Variants in RBM23 observed in about 807,000 individuals in gnomAD.
The protein encoded by RBM23 is RNA binding motif protein 23.
Under a neutral mutation model 56.2 loss-of-function variants are expected in RBM23, and 53 were observed. The ratio of observed to expected loss-of-function variants is 0.94; its 90% confidence interval spans 0.76 to 1.19. The LOEUF (loss-of-function observed/expected upper bound fraction) is 1.19, where lower values mean the gene tolerates loss of function less well. RBM23 is among the 50% of genes most tolerant of loss of function. The pLI, the probability that RBM23 is intolerant of heterozygous loss-of-function variation, is 0.00. For missense variants in RBM23, 642 were observed against 590.3 expected (o/e 1.09, Z -0.91); for synonymous variants, 197 against 198.5 (o/e 0.99, Z 0.06).
At chr14:22,904,075 G>A (rs2041092766) in intron 10 of RBM23, 186 bp downstream of exon 10, 8 of 1,524,140 alleles carry the variant, frequency 5.2e-6, no homozygotes, top group Non-Finnish European at 7.0e-6. Context: ...CAGAGTGTAG[G>A]AGCAAAGCCA....
intron 9 of RBM23, 69 bp from the exon 10 acceptor site, chr14:22,904,395 C>A (rs753375489): frequency 3.9e-6 from 5 of 1,285,036 alleles, no homozygotes; most frequent in Middle Eastern, 2.8e-4. Context: ...CCTACCCAGA[C>A]TGCTTTTTTT....
intron 1 of RBM23, chr14:22,917,301 G>A (rs1275622661): frequency 6.6e-6 from 1 of 152,148 alleles, no homozygotes; most frequent in Non-Finnish European, 1.5e-5. Flanking sequence ...TTCAAGAACT[G>A]CTCATTGTTG....
intron 10 of RBM23, chr14:22,903,599 T>C (rs2040997605): frequency 1.0e-6 from 1 of 991,564 alleles, no homozygotes; most frequent in Non-Finnish European, 1.2e-6. Flanking sequence ...CCCTCTGCCC[T>C]GTGGGTCACT....
At chr14:22,909,289 T>C (rs1319470246) in intron 3 of RBM23, among the ~76,000 whole-genome samples, 194 bp downstream of exon 3, 5 of 146,934 alleles carry the variant, frequency 3.4e-5, no homozygotes, top group Non-Finnish European at 7.6e-5. Flanking sequence ...CTAGGACTAA[T>C]CCACAAATCT....
In RBM23 at chr14:22,919,018, G is replaced by C. The variant is rs1566620730; in HGVS notation, c.-30C>G. On this transcript the variant is annotated 5_prime_UTR_variant, in exon 1 of 14. Transcript: ENST00000359890. ...TCTCACCAGTTCCGGGTCCCCGCAGGGGGGTCCCGGTTCTCTCCGTTCCTT... is the reference window on the plus strand; with the variant it reads ...TCTCACCAGTTCCGGGTCCCCGCAGCGGGGTCCCGGTTCTCTCCGTTCCTT... 6.6e-6 allele frequency: 1 copy of C among 152,188 alleles called. No homozygotes were observed. Among genetic ancestry groups the C allele is most frequent in the Admixed American group, 6.6e-5 (1 of 15,260 alleles). 9.4% of individuals were successfully genotyped at this position (152,188 alleles called of 1,614,324 possible).
chr14:22,902,230 T>C lies in RBM23; in HGVS notation c.1083A>G (p.Gly361=). The change falls in exon 11 of 14, where the codon GGA becomes GGG. Residue 361 remains glycine, a synonymous_variant. Coordinates refer to ENST00000359890, the MANE Select transcript of RBM23 (RefSeq NM_001077351.2). ...FPDGDQELDL[G]SAGGRFQLMA... is the part of the protein sequence containing the mutation. Reference sequence around the variant, plus strand: ...TGAGCTGAAAACGTCCACCTGCTGATCCCAGATCCAGCTCCTGGTCCCCAT... The same window carrying C: ...TGAGCTGAAAACGTCCACCTGCTGACCCCAGATCCAGCTCCTGGTCCCCAT... 1 of 1,614,216 alleles carries C rather than the reference T, an allele frequency of 6.2e-7. No homozygotes were observed.
At chr14:22,904,110 C>G (rs1042728096) in intron 10 of RBM23, 151 bp downstream of exon 10, 1 of 1,542,692 alleles carries the variant, frequency 6.5e-7, no homozygotes, top group Non-Finnish European at 8.7e-7. Flanking sequence ...GCACTCATCT[C>G]AAGGGGTAGA....
chr14:22,911,604 CTT>C (rs2042531904), intron 1 of RBM23: 2 of 414,360 alleles, frequency 4.8e-6, no homozygotes, highest in Admixed American at 7.3e-5. Context: ...ACTAGTTCGA[CTT>C]TGTGGCTTGG....
At position 22,904,297 on chromosome 14, in the gene RBM23, T is replaced by C; in HGVS notation, c.894A>G (p.Ser298=). 6.2e-7 allele frequency: 1 copy of C among 1,612,664 alleles called. No individual in the cohort carries two copies. Among genetic ancestry groups the C allele is most frequent in the South Asian group, 1.1e-5 (1 of 91,058 alleles). ...CATAACCTTTAGAGCGGCCTGTATC[T>C]GAGTCCTTCATCAGGACAATATTAT... is the stretch of plus-strand genomic sequence containing the variant. ...KIDNIVLMKD[S]DTGRSKGYGF... is the part of the protein sequence containing the mutation. Residue 298 remains serine, a synonymous_variant, in exon 10 of 14, where the codon TCA becomes TCG. Coordinates refer to ENST00000359890, the MANE Select transcript of RBM23 (RefSeq NM_001077351.2).
intron 4 of RBM23, among the ~76,000 whole-genome samples, chr14:22,908,062 C>T (rs928032558): frequency 8.6e-5 from 13 of 151,998 alleles, no homozygotes; most frequent in Non-Finnish European, 1.0e-4. Flanking sequence ...CATCTGTTGC[C>T]CAGGCAGGAG....
intron 4 of RBM23, 82 bp downstream of exon 4, chr14:22,908,251 C>T: frequency 6.8e-7 from 1 of 1,477,568 alleles, no homozygotes; most frequent in Non-Finnish European, 9.1e-7. Context: ...GAACTCCTGG[C>T]CTGAAGTGAT....
At chr14:22,905,281 AT>A in intron 7 of RBM23, 35 bp from the exon 8 acceptor site, 1 of 1,613,982 alleles carries the variant, frequency 6.2e-7, no homozygotes, top group East Asian at 2.2e-5. Context: ...TGAGTTAGGC[AT>A]AAAGGGAGAT....
Position 22,894,187 on chromosome 14 carries a change from T to A in RBM23, c.*7543A>T, listed in dbSNP as rs2040210434. 1 of 152,232 alleles carries A rather than the reference T, an allele frequency of 6.6e-6. No homozygotes were observed. The highest frequency in any genetic ancestry group is 1.5e-5 in the Non-Finnish European group (1 of 68,046). The allele number at this position is 152,232 out of a possible 1,614,324, so 9.4% of individuals were successfully genotyped here. On this transcript the variant is annotated 3_prime_UTR_variant, in exon 14 of 14. Transcript: ENST00000359890. ...CCTTTATTTAGGCATCAAAGCAGCT[T>A]GCTAAACTCTCAAAGCACAGCACCA...
chr14:22,901,760 G>A, intron 13 of RBM23, 27 bp from the exon 14 acceptor site: 1 of 1,613,966 alleles, frequency 6.2e-7, no homozygotes, highest in Non-Finnish European at 8.5e-7. Flanking sequence ...TAAATGGGAA[G>A]CCAAAGGAAA....
rs536163912 is a variant in RBM23, at chr14:22,915,398, C to T, written c.-11+3601G>A. On this transcript the variant is annotated intron_variant, in intron 1 of 13. Coordinates refer to ENST00000359890, the MANE Select transcript of RBM23 (RefSeq NM_001077351.2). ...TATTTTTAGTAGAGACCAGGTTTTC[C>T]GTGTTAGTCAGGCTGGTCTCGAACT... Among the ~76,000 whole-genome samples, 16 of 150,250 alleles carry T rather than the reference C, an allele frequency of 1.1e-4. No homozygotes were observed. The South Asian group carries it at 2.5e-3, about 24-fold the overall frequency.
chr14:22,915,477 G>C (rs1414142247), intron 1 of RBM23, among the ~76,000 whole-genome samples: 1 of 149,402 alleles, frequency 6.7e-6, no homozygotes, highest in Non-Finnish European at 1.5e-5. Context: ...GGGATTACAG[G>C]CATAAGCCCC....
Position 22,904,314 on chromosome 14 carries a change from CAAT to C in RBM23, c.874_876del (p.Ile292del), listed in dbSNP as rs779198905. On this transcript the variant is annotated inframe_deletion, in exon 10 of 14. Transcript: ENST00000359890. ...CCTGTATCTGAGTCCTTCATCAGGA[CAAT>C]ATTATCAATCTGTAGAAGAGTGAGA... The C allele has an allele frequency of 1.9e-6, 3 of 1,607,352 alleles. No homozygotes were observed. The highest frequency in any genetic ancestry group is 2.6e-6 in the Non-Finnish European group (3 of 1,174,334).
intron 5 of RBM23, chr14:22,905,898 CAT>C: frequency 1.7e-6 from 1 of 595,752 alleles, no homozygotes; most frequent in Non-Finnish European, 3.0e-6. Context: ...TACAGACACA[CAT>C]GACCATATCT....
Position 22,895,136 on chromosome 14 carries a change from G to C in RBM23, c.*6594C>G, listed in dbSNP as rs2040227727. ...GCACTTTGGGAGGCCAAGGCGGGTG[G>C]ATCACCTGAGGTCAGGAGTTCGAGA... is the stretch of plus-strand genomic sequence containing the variant. On this transcript the variant is annotated 3_prime_UTR_variant, in exon 14 of 14. Transcript: ENST00000359890. 1 of 152,116 alleles carries C rather than the reference G, an allele frequency of 6.6e-6. No homozygotes were observed. 9.4% of individuals were successfully genotyped at this position (152,116 alleles called of 1,614,324 possible). A position where few individuals can be genotyped will look rare whatever the true frequency, so the allele number is the denominator to read the frequency against.
Sources: allele counts gnomAD v4.1 joint callset (sites outside exome capture counted in the v4.1 genomes callset), GRCh38; gene constraint gnomAD v4.1.1; transcripts MANE v1.5; gene names NCBI Gene and HGNC (gene_info 2026-07-23, HGNC 2026-07-21).